EML5: variants seen among roughly 807,000 people sequenced by gnomAD.
EML5 encodes the protein EMAP like 5.
Under a neutral mutation model 250.0 loss-of-function variants are expected in EML5, and 120 were observed. The ratio of observed to expected loss-of-function variants is 0.48; its 90% confidence interval spans 0.41 to 0.56. EML5 has a LOEUF of 0.56. Ranked by LOEUF, EML5 falls within the 20% of genes least tolerant of loss-of-function variation. The pLI, the probability that EML5 is intolerant of heterozygous loss-of-function variation, is 0.00. For synonymous variants in EML5, 771 were observed against 806.5 expected (o/e 0.96, Z 0.75); for missense variants, 2,006 against 2,437.6 (o/e 0.82, Z 3.73).
intron 8 of EML5, among the ~76,000 whole-genome samples, chr14:88,720,260 G>A (rs1167167653): frequency 1.3e-5 from 2 of 152,076 alleles, no homozygotes; most frequent in Non-Finnish European, 2.9e-5. Context: ...AATTGATAAG[G>A]AGGGACTCCT....
intron 7 of EML5, among the ~76,000 whole-genome samples, chr14:88,727,504 C>A (rs1244545645): frequency 1.3e-5 from 2 of 150,472 alleles, no homozygotes; most frequent in African/African-American, 4.9e-5. Flanking sequence ...CGGGTTCAAG[C>A]AATTCTCCTG....
intron 14 of EML5, among the ~76,000 whole-genome samples, chr14:88,699,251 T>C (rs187032500): frequency 4.4e-4 from 67 of 152,022 alleles, no homozygotes; most frequent in African/African-American, 1.5e-3. Context: ...AGATGTGAAA[T>C]AGCATTATAC....
chr14:88,766,795 T>C (rs1030931741), intron 1 of EML5, among the ~76,000 whole-genome samples: 1 of 152,130 alleles, frequency 6.6e-6, no homozygotes, highest in Non-Finnish European at 1.5e-5. Context: ...ACATGTGATG[T>C]CTCCCCCAGA....
intron 2 of EML5, among the ~76,000 whole-genome samples, chr14:88,752,316 A>T (rs1050777941): frequency 3.9e-5 from 6 of 152,198 alleles, no homozygotes; most frequent in Non-Finnish European, 8.8e-5. Context: ...AAATGGCTTG[A>T]ATTTCATAAC....
At chr14:88,717,823 C>A (rs552094008) in intron 8 of EML5, among the ~76,000 whole-genome samples, 1 of 152,160 alleles carries the variant, frequency 6.6e-6, no homozygotes, top group South Asian at 2.1e-4. Flanking sequence ...AGGATCAAAA[C>A]CAATTAAAAG....
chr14:88,660,839 T>C (rs1042027521), intron 25 of EML5, among the ~76,000 whole-genome samples: 1 of 152,082 alleles, frequency 6.6e-6, no homozygotes, highest in African/African-American at 2.4e-5. Flanking sequence ...ATGATGCTGA[T>C]GATTTAAAAT....
chr14:88,706,966 GCCCAGTTGTTCCAACA>G, intron 10 of EML5, among the ~76,000 whole-genome samples: 2 of 152,118 alleles, frequency 1.3e-5, no homozygotes, highest in African/African-American at 2.4e-5. Flanking sequence ...AGTCAAATAT[GCCCAGTTGTTCCAACA>G]ATGTCCTTTA....
chr14:88,743,158 G>A (rs1481043434), intron 4 of EML5, among the ~76,000 whole-genome samples: 1 of 151,954 alleles, frequency 6.6e-6, no homozygotes, highest in Non-Finnish European at 1.5e-5. Flanking sequence ...ATTTGTTAAA[G>A]GATACAAAAT....
At chr14:88,637,030 A>G (rs1158840939) in intron 32 of EML5, among the ~76,000 whole-genome samples, 1 of 152,240 alleles carries the variant, frequency 6.6e-6, no homozygotes, top group Non-Finnish European at 1.5e-5. Flanking sequence ...TCTATGATCT[A>G]TATGATTTTT....
chr14:88,670,764 C>T (rs968584857), intron 21 of EML5, among the ~76,000 whole-genome samples: 1 of 151,832 alleles, frequency 6.6e-6, no homozygotes, highest in South Asian at 2.1e-4. Context: ...AAGAATGTTA[C>T]AATGCAACCA....
intron 17 of EML5, 124 bp from the exon 18 acceptor site, chr14:88,688,597 A>ATC (rs2092891086): frequency 1.1e-6 from 1 of 944,010 alleles, no homozygotes; most frequent in Non-Finnish European, 1.6e-6. Context: ...AGTAAGGAGA[A>ATC]TTGAAAACTA....
intron 8 of EML5, among the ~76,000 whole-genome samples, chr14:88,725,221 G>A (rs2093649018): frequency 6.6e-6 from 1 of 152,080 alleles, no homozygotes; most frequent in South Asian, 2.1e-4. Context: ...AAGTTCTGAA[G>A]CTAGAGGGTG....
rs2093304628 is a variant in EML5 at position 88,705,675 on chromosome 14, T to C, written c.1826-87A>G. ...GAAAAATTAATGATTAAGAGCTATG[T>C]CAGTTGACATGGAGACAAGCCATAA... On this transcript the variant is annotated intron_variant, in intron 11 of 43. Coordinates refer to ENST00000554922, the MANE Select transcript of EML5 (RefSeq NM_183387.3). 3 of 936,350 alleles carry C rather than the reference T, an allele frequency of 3.2e-6. No individual in the cohort carries two copies. In the East Asian group the frequency reaches 7.9e-5, roughly 25 times the overall value. The allele number at this position is 936,350 out of a possible 1,614,324, so 58.0% of individuals were successfully genotyped here.
Position 88,621,141 on chromosome 14 carries a change from G to A in EML5, c.5174C>T (p.Thr1725Ile), listed in dbSNP as rs373510031. The change falls in exon 38 of 44, where the codon ACA becomes ATA. Residue 1725 changes from threonine to isoleucine, a missense_variant. Thr to Ile is a moderately conservative substitution (Grantham distance 89). Coordinates refer to ENST00000554922, the MANE Select transcript of EML5 (RefSeq NM_183387.3). The part of the protein sequence containing the change: ...DFFLSAAEDG[T>I]VRLWDIADKK... ...ATCAGCAATATCCCAAAGTCTCACTGTCCCATCTTCTGCAGCAGAAAGGAA... is the reference window on the plus strand; with the variant it reads ...ATCAGCAATATCCCAAAGTCTCACTATCCCATCTTCTGCAGCAGAAAGGAA... 96 of 1,613,646 alleles carry A rather than the reference G, an allele frequency of 5.9e-5. No homozygotes were observed. The highest frequency in any genetic ancestry group is 7.6e-5 in the Non-Finnish European group (90 of 1,179,856).
At chr14:88,660,072 T>C (rs564547584) in intron 25 of EML5, among the ~76,000 whole-genome samples, 1 of 152,120 alleles carries the variant, frequency 6.6e-6, no homozygotes, top group Admixed American at 6.6e-5. Flanking sequence ...GTTCAGGAGT[T>C]TGAGACCAGC....
intron 26 of EML5, 120 bp downstream of exon 26, chr14:88,658,067 T>C (rs1416530103): frequency 2.0e-6 from 2 of 989,486 alleles, no homozygotes; most frequent in African/African-American, 4.5e-5. Context: ...TTAAACAGAC[T>C]AAAAACAGTA....
intron 4 of EML5, among the ~76,000 whole-genome samples, chr14:88,742,748 T>C (rs1198338187): frequency 6.6e-6 from 1 of 152,104 alleles, no homozygotes; most frequent in Non-Finnish European, 1.5e-5. Context: ...GCATACAGCC[T>C]TTTTGGTATT....
Position 88,792,262 on chromosome 14 carries a change from G to C in EML5, c.197+45C>G. 6.5e-7 allele frequency: 1 copy of C among 1,530,586 alleles called. No individual in the cohort carries two copies. Among genetic ancestry groups the C allele is most frequent in the Non-Finnish European group, 8.8e-7 (1 of 1,139,936 alleles). 94.8% of individuals were successfully genotyped at this position (1,530,586 alleles called of 1,614,324 possible). On this transcript the variant is annotated intron_variant, in intron 1 of 43. Transcript: ENST00000554922. This position sits in a 1 kb window ranked among gnomAD's most constrained non-coding sequence, Gnocchi z 6.9. ...GAGGAACCCGCGGGTGCAAACTCCGGGAGCGGCTTGCAGGGTGACGGCGGC... is the reference window on the plus strand; with the variant it reads ...GAGGAACCCGCGGGTGCAAACTCCGCGAGCGGCTTGCAGGGTGACGGCGGC...
chr14:88,658,470 A>ATAAT (rs2091952111), intron 25 of EML5, 82 bp from the exon 26 acceptor site: 1 of 1,110,644 alleles, frequency 9.0e-7, no homozygotes, highest in East Asian at 2.7e-5. Flanking sequence ...AATTTTATTA[A>ATAAT]TAATTAAAAA....
Sources: allele counts gnomAD v4.1 joint callset (sites outside exome capture counted in the v4.1 genomes callset), GRCh38; gene constraint gnomAD v4.1.1; non-coding constraint Gnocchi (gnomAD v3.1); transcripts MANE v1.5; gene names NCBI Gene and HGNC (gene_info 2026-07-23, HGNC 2026-07-21).